Variants in GLG1 observed in about 807,000 individuals in gnomAD.
GLG1 encodes the protein golgi glycoprotein 1.
A neutral mutation model predicts 160.5 loss-of-function variants in GLG1; 38 were observed. The observed-to-expected ratio is 0.24, with a 90% CI of 0.18 to 0.31. The LOEUF is 0.31. Among genes scored for constraint, GLG1 ranks in the 10% least tolerant of loss-of-function variants. GLG1 has a pLI of 1.00. For missense variants in GLG1, 1,373 were observed against 1,505.2 expected (o/e 0.91, Z 1.45); for synonymous variants, 644 against 543.4 (o/e 1.19, Z -2.57).
chr16:74,496,683 C>A, intron 4 of GLG1, 39 bp from the exon 5 acceptor site: 2 of 1,276,090 alleles, frequency 1.6e-6, no homozygotes, highest in Non-Finnish European at 2.3e-6. Context: ...AAACTTTTAT[C>A]ACATGGGTTT....
chr16:74,534,169 C>A (rs1490984346), intron 1 of GLG1, among the ~76,000 whole-genome samples: 2 of 152,030 alleles, frequency 1.3e-5, no homozygotes, highest in Non-Finnish European at 2.9e-5. Context: ...CCCTACTTGT[C>A]TAATAGCAGA....
chr16:74,521,612 G>A (rs539468794), intron 2 of GLG1, among the ~76,000 whole-genome samples: 29 of 152,244 alleles, frequency 1.9e-4, no homozygotes, highest in African/African-American at 5.8e-4. Context: ...AGGTTTAGGG[G>A]CAGAAAAATC....
intron 1 of GLG1, among the ~76,000 whole-genome samples, chr16:74,577,358 C>G (rs1018925980): frequency 1.3e-5 from 2 of 151,950 alleles, no homozygotes; most frequent in East Asian, 3.9e-4. Flanking sequence ...CCCATCTCTA[C>G]TAAAAATACA....
At chr16:74,470,128 G>T in intron 15 of GLG1, 55 bp from the exon 16 acceptor site, 2 of 1,023,476 alleles carry the variant, frequency 2.0e-6, no homozygotes, top group Non-Finnish European at 3.1e-6. Context: ...GTGGTCAGTA[G>T]TGGTAGGGCG....
intron 8 of GLG1, among the ~76,000 whole-genome samples, chr16:74,489,426 G>GT (rs766849813): frequency 6.6e-6 from 1 of 151,676 alleles, no homozygotes; most frequent in Non-Finnish European, 1.5e-5. Flanking sequence ...AGCAGAGGTT[G>GT]CGCCATTACA....
intron 8 of GLG1, among the ~76,000 whole-genome samples, chr16:74,490,136 C>T (rs2015931124): frequency 6.6e-6 from 1 of 152,188 alleles, no homozygotes; most frequent in African/African-American, 2.4e-5. Context: ...CACTGGTGCA[C>T]ATGGTACGTT....
chr16:74,522,904 C>CA (rs1290126462), intron 2 of GLG1, among the ~76,000 whole-genome samples: 2 of 152,168 alleles, frequency 1.3e-5, no homozygotes, highest in African/African-American at 4.8e-5. Context: ...AGGCTGGTCT[C>CA]AAACTCTGGG....
rs1158957691 is a variant in GLG1, at chr16:74,448,471, T to C, written c.*4696A>G. ...TTTCAGGTTTTTCAAACTCACAAGATGTTGAAATACAAGTAAATATACCAA... is the reference window on the plus strand; with the variant it reads ...TTTCAGGTTTTTCAAACTCACAAGACGTTGAAATACAAGTAAATATACCAA... On this transcript the variant is annotated 3_prime_UTR_variant, in exon 26 of 26. Transcript: ENST00000422840. 1 of 152,150 alleles carries C rather than the reference T, an allele frequency of 6.6e-6. No individual in the cohort carries two copies. The highest frequency in any genetic ancestry group is 1.5e-5 in the Non-Finnish European group (1 of 68,032). 9.4% of individuals were successfully genotyped at this position (152,150 alleles called of 1,614,324 possible). A position where few individuals can be genotyped will look rare whatever the true frequency, so the allele number is the denominator to read the frequency against.
chr16:74,467,937 G>T, intron 17 of GLG1, 89 bp from the exon 18 acceptor site: 1 of 822,322 alleles, frequency 1.2e-6, no homozygotes, highest in Non-Finnish European at 2.0e-6. Flanking sequence ...ACTGCATCTT[G>T]TCTAGTGACC....
intron 2 of GLG1, among the ~76,000 whole-genome samples, chr16:74,510,157 G>A (rs1338988081): frequency 6.6e-6 from 1 of 151,250 alleles, no homozygotes; most frequent in African/African-American, 2.4e-5. Flanking sequence ...TCGGCCTCCC[G>A]AGTAGCTGGG....
chr16:74,567,962 C>A (rs142144709), intron 1 of GLG1, among the ~76,000 whole-genome samples: 3 of 152,206 alleles, frequency 2.0e-5, no homozygotes, highest in African/African-American at 7.2e-5. Context: ...TGCTCCAGGT[C>A]GGGCCTCATT....
At chr16:74,481,133 T>C (rs1376533304) in intron 10 of GLG1, among the ~76,000 whole-genome samples, 2 of 152,234 alleles carry the variant, frequency 1.3e-5, no homozygotes, top group Non-Finnish European at 2.9e-5. Flanking sequence ...AGTTCAATCC[T>C]ATGTAATGTA....
chr16:74,452,534 G>A lies in GLG1; in HGVS notation c.*633C>T, dbSNP rs2014356016. On this transcript the variant is annotated 3_prime_UTR_variant, in exon 26 of 26. Transcript: ENST00000422840. ...GCAGTGGCTGATTAGGGTGGAAACT[G>A]GAAAGCGTCACTGTCTCAGCAGAAG... The A allele has an allele frequency of 4.9e-6, 5 of 1,013,008 alleles. No homozygotes were observed. The South Asian group carries it at 1.7e-4, about 34-fold the overall frequency. 62.8% of individuals were successfully genotyped at this position (1,013,008 alleles called of 1,614,324 possible).
At chr16:74,586,185 G>GGC (rs1428410875) in intron 1 of GLG1, among the ~76,000 whole-genome samples, 1 of 151,968 alleles carries the variant, frequency 6.6e-6, no homozygotes, top group Non-Finnish European at 1.5e-5. Context: ...ACAAAGGCAA[G>GGC]GCCCTAGGAA....
rs1443217250 is a variant in GLG1, at chr16:74,606,796, C to T, written c.299G>A (p.Arg100Gln). 3 of 1,596,404 alleles carry T rather than the reference C, an allele frequency of 1.9e-6. No homozygotes were observed. Among genetic ancestry groups the T allele is most frequent in the Admixed American group, 1.8e-5 (1 of 56,758 alleles). The change falls in exon 1 of 26, where the codon CGG (arginine) becomes CAG (glutamine). Residue 100 changes from arginine to glutamine, a missense_variant. Transcript: ENST00000422840. ...CCCACCAGCCCCCGCTCCTCCCCGC[C>T]GGGCCGGAGGCCCACCCGCCGGGAA... Reference protein sequence around the residue: ...PPFPAGGPPARRGGAGAGGGW... With the variant: ...PPFPAGGPPAQRGGAGAGGGW...
At chr16:74,570,029 G>C (rs9930901) in intron 1 of GLG1, among the ~76,000 whole-genome samples, 2 of 148,550 alleles carry the variant, frequency 1.3e-5, no homozygotes, top group African/African-American at 4.9e-5. Flanking sequence ...AAAAAGAAAA[G>C]GAAAGAAAAA....
At chr16:74,562,497 T>C (rs921203151) in intron 1 of GLG1, among the ~76,000 whole-genome samples, 2 of 152,230 alleles carry the variant, frequency 1.3e-5, no homozygotes, top group African/African-American at 4.8e-5. Context: ...TCTCACTCTG[T>C]TGCCCAGGCT....
chr16:74,587,378 A>T (rs909462379), intron 1 of GLG1, among the ~76,000 whole-genome samples: 4 of 152,244 alleles, frequency 2.6e-5, no homozygotes, highest in African/African-American at 9.6e-5. Context: ...AAAGATTTGA[A>T]TAGTGGAACC....
intron 1 of GLG1, among the ~76,000 whole-genome samples, chr16:74,587,548 T>A (rs930737244): frequency 8.5e-5 from 13 of 152,094 alleles, no homozygotes; most frequent in Non-Finnish European, 1.5e-4. Context: ...ATGACAGACA[T>A]GATGGAATTA....
Sources: allele counts gnomAD v4.1 joint callset (sites outside exome capture counted in the v4.1 genomes callset), GRCh38; gene constraint gnomAD v4.1.1; transcripts MANE v1.5; gene names NCBI Gene and HGNC (gene_info 2026-07-23, HGNC 2026-07-21).